Variants in LTBP1 observed in about 807,000 individuals in gnomAD.
LTBP1 encodes the protein latent transforming growth factor beta binding protein 1.
A neutral mutation model predicts 207.6 loss-of-function variants in LTBP1; 129 were observed. That is an observed-to-expected ratio of 0.62 (90% confidence interval 0.54 to 0.72). The LOEUF is 0.72. LTBP1 is among the 30% of genes least tolerant of loss of function. The pLI is 0.00. For synonymous variants in LTBP1, 963 were observed against 833.7 expected, an observed-to-expected ratio of 1.16 and a Z score of -2.67; for missense variants, 2,281 against 2,217.2, an observed-to-expected ratio of 1.03 and a Z score of -0.58.
At chr2:32,969,427 C>T (rs977570212) in intron 2 of LTBP1, among the ~76,000 whole-genome samples, 2 of 151,940 alleles carry the variant, frequency 1.3e-5, no homozygotes, top group Non-Finnish European at 2.9e-5. Context: ...TCACCTTTTT[C>T]CTATCTCCAC....
At chr2:33,133,343 G>GC (rs2081932677) in intron 4 of LTBP1, among the ~76,000 whole-genome samples, 1 of 152,088 alleles carries the variant, frequency 6.6e-6, no homozygotes, top group Admixed American at 6.5e-5. Context: ...AAAAAGGCTG[G>GC]CCCAGAGCCT....
At chr2:33,382,029 A>G (rs17012917) in intron 31 of LTBP1, among the ~76,000 whole-genome samples, 8,105 of 130,648 alleles carry the variant, frequency 0.062, 622 homozygotes, top group East Asian at 0.24. Flanking sequence ...CTTGTTTTTA[A>G]TTGTTCAGTA....
intron 26 of LTBP1, among the ~76,000 whole-genome samples, chr2:33,348,738 TAAATG>T (rs1336926982): frequency 6.6e-6 from 1 of 152,214 alleles, no homozygotes; most frequent in Non-Finnish European, 1.5e-5. Context: ...ATGATAAAGA[TAAATG>T]TATGTGATAC....
intron 5 of LTBP1, among the ~76,000 whole-genome samples, chr2:33,157,987 T>C (rs1410359976): frequency 6.6e-6 from 1 of 151,948 alleles, no homozygotes; most frequent in Non-Finnish European, 1.5e-5. Flanking sequence ...AATACAAAAA[T>C]TAGCCAGCCG....
At chr2:33,242,453 T>G (rs778369874) in intron 9 of LTBP1, among the ~76,000 whole-genome samples, 2 of 152,198 alleles carry the variant, frequency 1.3e-5, no homozygotes, top group Non-Finnish European at 2.9e-5. Flanking sequence ...TTCTGAATCT[T>G]CTGCTGCTAC....
chr2:33,246,322 A>T (rs2092508022), intron 10 of LTBP1, among the ~76,000 whole-genome samples: 1 of 152,194 alleles, frequency 6.6e-6, no homozygotes, highest in Admixed American at 6.5e-5. Flanking sequence ...TTTCAGGTGA[A>T]TTCTGTGAAG....
chr2:33,161,567 A>G (rs1558730840), intron 5 of LTBP1, among the ~76,000 whole-genome samples: 1 of 152,170 alleles, frequency 6.6e-6, no homozygotes, highest in Non-Finnish European at 1.5e-5. Flanking sequence ...ACGCCCGGCC[A>G]GGAAGCTTCT....
chr2:32,963,227 C>T (rs914271680), intron 2 of LTBP1, among the ~76,000 whole-genome samples: 9 of 152,186 alleles, frequency 5.9e-5, no homozygotes, highest in African/African-American at 1.9e-4. Flanking sequence ...TATTCAGAGA[C>T]AAGGTCTCAC....
intron 2 of LTBP1, among the ~76,000 whole-genome samples, chr2:32,959,734 C>T (rs147779278): frequency 9.4e-5 from 14 of 149,654 alleles, no homozygotes; most frequent in African/African-American, 3.4e-4. Flanking sequence ...GATTCTTCTG[C>T]CTCAGCCACC....
chr2:33,256,354 TC>T (rs2092850354), intron 11 of LTBP1, among the ~76,000 whole-genome samples: 1 of 152,138 alleles, frequency 6.6e-6, no homozygotes, highest in Non-Finnish European at 1.5e-5. Flanking sequence ...CTTCCCCTTT[TC>T]CGTCCTCCGT....
intron 3 of LTBP1, among the ~76,000 whole-genome samples, chr2:33,042,828 A>T (rs555981159): frequency 5.3e-5 from 8 of 152,316 alleles, no homozygotes; most frequent in Non-Finnish European, 7.3e-5. Flanking sequence ...GGTATTTTTT[A>T]AAAAAATATT....
chr2:33,165,340 A>C (rs1572935046), intron 5 of LTBP1, among the ~76,000 whole-genome samples: 1 of 152,230 alleles, frequency 6.6e-6, no homozygotes, highest in African/African-American at 2.4e-5. Context: ...GACGCTGAAG[A>C]GAGAGAAGCA....
chr2:33,228,697 C>CTTTTTCTTTTTTTTTTTT (rs2091597313), intron 9 of LTBP1, among the ~76,000 whole-genome samples: 1 of 99,060 alleles, frequency 1.0e-5, no homozygotes, highest in Admixed American at 1.3e-4. Context: ...GGGTTATACC[C>CTTTTTCTTTTTTTTTTTT]TTTTTTTTTT....
At chr2:33,020,797 G>A (rs2075129543) in intron 2 of LTBP1, 112 bp from the exon 3 acceptor site, 2 of 1,039,882 alleles carry the variant, frequency 1.9e-6, no homozygotes, top group Non-Finnish European at 2.8e-6. Context: ...GAGTATTTGT[G>A]TGGTTTTTTA....
At chr2:33,028,089 T>G (rs1265824803) in intron 3 of LTBP1, among the ~76,000 whole-genome samples, 1 of 152,096 alleles carries the variant, frequency 6.6e-6, no homozygotes, top group East Asian at 1.9e-4. Context: ...CTCCTGAGAC[T>G]GAGTTCGGAA....
intron 20 of LTBP1, among the ~76,000 whole-genome samples, chr2:33,299,035 G>C (rs2093934140): frequency 6.6e-6 from 1 of 152,080 alleles, no homozygotes. Flanking sequence ...TAGCACTTTG[G>C]GAGAACGAGG....
At chr2:32,968,915 G>GTGTT (rs758748013) in intron 2 of LTBP1, among the ~76,000 whole-genome samples, 2 of 86,250 alleles carry the variant, frequency 2.3e-5, no homozygotes, top group Non-Finnish European at 2.5e-5. Context: ...GTGTGTGTGT[G>GTGTT]TATTTTTTTT....
chr2:33,044,098 T>C (rs1413549583), intron 3 of LTBP1, among the ~76,000 whole-genome samples: 1 of 151,788 alleles, frequency 6.6e-6, no homozygotes, highest in Non-Finnish European at 1.5e-5. Flanking sequence ...TTAGACCTTT[T>C]ATGAAATAGA....
At chr2:33,171,699 T>C (rs1215974657) in intron 5 of LTBP1, among the ~76,000 whole-genome samples, 1 of 151,886 alleles carries the variant, frequency 6.6e-6, no homozygotes, top group African/African-American at 2.4e-5. Context: ...CCAAGACACA[T>C]AATTGTCAGA....
Sources: allele counts gnomAD v4.1 joint callset (sites outside exome capture counted in the v4.1 genomes callset), GRCh38; gene constraint gnomAD v4.1.1; transcripts MANE v1.5; gene names NCBI Gene and HGNC (gene_info 2026-07-23, HGNC 2026-07-21).